CAMKMT: variants seen among roughly 807,000 people sequenced by gnomAD.
CAMKMT encodes the protein calmodulin-lysine N-methyltransferase.
CAMKMT carries 53 observed loss-of-function variants against 48.0 expected under a neutral mutation model. The observed-to-expected ratio is 1.10, with a 90% CI of 0.89 to 1.39. CAMKMT has a LOEUF of 1.39. CAMKMT is among the 40% of genes most tolerant of loss of function. The pLI is 0.00. For synonymous variants in CAMKMT, 165 were observed against 152.3 expected, an observed-to-expected ratio of 1.08 and a Z score of -0.61; for missense variants, 428 against 402.7, an observed-to-expected ratio of 1.06 and a Z score of -0.54.
At chr2:44,733,015 G>T (rs1357546942) in intron 7 of CAMKMT, among the ~76,000 whole-genome samples, 1 of 152,142 alleles carries the variant, frequency 6.6e-6, no homozygotes, top group Non-Finnish European at 1.5e-5. Flanking sequence ...AGGTTACAAA[G>T]ATTTTCTCCT....
intron 3 of CAMKMT, among the ~76,000 whole-genome samples, chr2:44,469,171 T>C (rs1668284792): frequency 6.6e-6 from 1 of 152,178 alleles, no homozygotes; most frequent in Admixed American, 6.5e-5. Context: ...AGGTAAGATA[T>C]ACTAATTACC....
chr2:44,392,351 A>T (rs1048990079), intron 3 of CAMKMT, among the ~76,000 whole-genome samples: 1 of 152,040 alleles, frequency 6.6e-6, no homozygotes, highest in Non-Finnish European at 1.5e-5. Context: ...TTAACAGAAA[A>T]ATCTATATAG....
chr2:44,604,965 T>A (rs1453577630), intron 3 of CAMKMT, among the ~76,000 whole-genome samples: 1 of 152,160 alleles, frequency 6.6e-6, no homozygotes, highest in African/African-American at 2.4e-5. Context: ...TTATTTTCCC[T>A]TAGTTCCAAA....
chr2:44,362,541 G>C (rs1678017575), intron 1 of CAMKMT, among the ~76,000 whole-genome samples: 1 of 152,074 alleles, frequency 6.6e-6, no homozygotes, highest in Non-Finnish European at 1.5e-5. Flanking sequence ...AGCCTGGTTC[G>C]AGTTACCGAT....
At chr2:44,755,032 A>G (rs1055934064) in intron 9 of CAMKMT, among the ~76,000 whole-genome samples, 1 of 152,164 alleles carries the variant, frequency 6.6e-6, no homozygotes, top group African/African-American at 2.4e-5. Flanking sequence ...ACTCAGTGAG[A>G]CTTACAGACC....
intron 3 of CAMKMT, among the ~76,000 whole-genome samples, chr2:44,535,901 T>C (rs972855056): frequency 2.6e-5 from 4 of 152,152 alleles, no homozygotes; most frequent in Non-Finnish European, 5.9e-5. Flanking sequence ...ATTAAAAGCA[T>C]CCAGATTGGA....
At chr2:44,527,432 T>TA (rs1558679481) in intron 3 of CAMKMT, among the ~76,000 whole-genome samples, 6 of 36,022 alleles carry the variant, frequency 1.7e-4, no homozygotes, top group East Asian at 1.2e-3. Flanking sequence ...ATATATATAT[T>TA]TTTTTTTTTG....
At chr2:44,380,976 A>G (rs779526590) in intron 2 of CAMKMT, among the ~76,000 whole-genome samples, 13 of 152,140 alleles carry the variant, frequency 8.5e-5, no homozygotes, top group Non-Finnish European at 1.8e-4. Flanking sequence ...CCTGGCCAAC[A>G]TAGTGAAACC....
chr2:44,621,487 G>C (rs1417117839), intron 3 of CAMKMT, among the ~76,000 whole-genome samples: 1 of 152,138 alleles, frequency 6.6e-6, no homozygotes, highest in Non-Finnish European at 1.5e-5. Context: ...TTTGAACTGA[G>C]ATCTAAAGGA....
At chr2:44,677,638 G>A (rs753769040) in intron 3 of CAMKMT, among the ~76,000 whole-genome samples, 70 of 152,138 alleles carry the variant, frequency 4.6e-4, no homozygotes, top group Admixed American at 3.5e-3. Flanking sequence ...AACCAGGGAG[G>A]TGGATGTTGC....
chr2:44,627,469 T>G (rs941474884), intron 3 of CAMKMT, among the ~76,000 whole-genome samples: 11 of 152,138 alleles, frequency 7.2e-5, no homozygotes, highest in Admixed American at 4.6e-4. Context: ...CTAGTAATTC[T>G]TCCCTTAATG....
At chr2:44,744,993 G>A (rs2104376151) in intron 8 of CAMKMT, among the ~76,000 whole-genome samples, 1 of 152,202 alleles carries the variant, frequency 6.6e-6, no homozygotes, top group Non-Finnish European at 1.5e-5. Flanking sequence ...AAAATAAGGA[G>A]CTAAAACCTC....
chr2:44,709,035 C>A (rs1401316991), intron 6 of CAMKMT, among the ~76,000 whole-genome samples: 1 of 152,122 alleles, frequency 6.6e-6, no homozygotes, highest in African/African-American at 2.4e-5. Context: ...AACTACAGAG[C>A]TTCCAAAGAA....
At chr2:44,660,193 C>G (rs1170821029) in intron 3 of CAMKMT, among the ~76,000 whole-genome samples, 1 of 152,160 alleles carries the variant, frequency 6.6e-6, no homozygotes, top group Non-Finnish European at 1.5e-5. Context: ...TCTTTAATGT[C>G]TGTCTTAGTG....
intron 1 of CAMKMT, among the ~76,000 whole-genome samples, chr2:44,367,272 T>A (rs1285250441): frequency 6.6e-6 from 1 of 152,128 alleles, no homozygotes; most frequent in Non-Finnish European, 1.5e-5. Flanking sequence ...TGGTTAAGTA[T>A]CCCTAATACA....
At chr2:44,546,440 C>A (rs113241861) in intron 3 of CAMKMT, among the ~76,000 whole-genome samples, 12 of 152,160 alleles carry the variant, frequency 7.9e-5, no homozygotes, top group African/African-American at 2.9e-4. Context: ...ATCTGTTTCA[C>A]GTTTTATGGA....
chr2:44,597,470 C>T (rs1248319800), intron 3 of CAMKMT, among the ~76,000 whole-genome samples: 3 of 152,148 alleles, frequency 2.0e-5, no homozygotes, highest in Non-Finnish European at 2.9e-5. Context: ...TTTGTCAATC[C>T]TAATTTACAT....
chr2:44,593,413 C>T (rs1670434264), intron 3 of CAMKMT, among the ~76,000 whole-genome samples: 1 of 152,120 alleles, frequency 6.6e-6, no homozygotes, highest in Non-Finnish European at 1.5e-5. Context: ...TAACTCTTTG[C>T]AGCTCTGTAC....
chr2:44,482,374 C>A (rs1199574620), intron 3 of CAMKMT, among the ~76,000 whole-genome samples: 1 of 152,008 alleles, frequency 6.6e-6, no homozygotes. Flanking sequence ...TCCAAAAATT[C>A]TTCAGGAGGT....
Sources: gnomAD v4.1 joint callset for allele counts (sites outside exome capture counted in the v4.1 genomes callset) on GRCh38, gnomAD v4.1.1 for gene constraint, MANE v1.5 for transcripts, NCBI Gene and HGNC (gene_info 2026-07-23, HGNC 2026-07-21) for gene names.